The following SEMA4D variants were observed in gnomAD, a reference collection of about 807,000 sequenced individuals.
The protein encoded by SEMA4D is semaphorin 4D.
SEMA4D carries 22 observed loss-of-function variants against 74.8 expected under a neutral mutation model. The ratio of observed to expected loss-of-function variants is 0.29; its 90% CI spans 0.21 to 0.42. The LOEUF (loss-of-function observed/expected upper bound fraction) is 0.42. Among genes scored for constraint, SEMA4D ranks in the 10% least tolerant of loss-of-function variants. The pLI, the probability that SEMA4D is intolerant of heterozygous loss-of-function variation, is 1.00. For missense variants in SEMA4D, 937 were observed against 1,118.4 expected, an observed-to-expected ratio of 0.84 and a Z score of 2.31; for synonymous variants, 445 against 463.7, an observed-to-expected ratio of 0.96 and a Z score of 0.52.
In SEMA4D at chr9:89,399,349, A is replaced by T. The variant is rs1157922958; in HGVS notation, c.253-11T>A. 1.3e-6 allele frequency: 2 copies of T among 1,599,202 alleles called. No individual in the cohort carries two copies. Among genetic ancestry groups the T allele is most frequent in the Non-Finnish European group, 1.7e-6 (2 of 1,166,360 alleles). ...GACCTTCCAATACACCTGTTGGGAT[A>T]GAGTCCATATCAGTGCATATTCTTT... On this transcript the variant is annotated splice_polypyrimidine_tract_variant and intron_variant, in intron 4 of 15. Coordinates refer to ENST00000422704, the MANE Select transcript of SEMA4D (RefSeq NM_001371194.2).
In SEMA4D at chr9:89,405,897, G is replaced by C. The variant is rs558006916; in HGVS notation, c.-243-198C>G. Reference sequence around the variant, plus strand: ...AGGAAAGCGAAGCCAGGGTCTTCAGGAGTCAGTGCTTCCCGCTCCTCCAGC... The same window carrying C: ...AGGAAAGCGAAGCCAGGGTCTTCAGCAGTCAGTGCTTCCCGCTCCTCCAGC... On this transcript the variant is annotated intron_variant, in intron 2 of 15. Transcript: ENST00000422704. The C allele has an allele frequency of 1.2e-5, 14 of 1,214,246 alleles. No individual in the cohort carries two copies. In the Admixed American group the frequency reaches 2.1e-4, roughly 18 times the overall value. The allele number at this position is 1,214,246 out of a possible 1,614,324, so 75.2% of individuals were successfully genotyped here. A position where few individuals can be genotyped will look rare whatever the true frequency, so the allele number is the denominator to read the frequency against.
At chr9:89,467,704 G>T (rs28449785) in intron 1 of SEMA4D, among the ~76,000 whole-genome samples, 28,533 of 151,882 alleles carry the variant, frequency 0.19, 2,901 homozygotes, top group East Asian at 0.32. Flanking sequence ...GCTAATTTTT[G>T]TATTTTTAGT....
intron 1 of SEMA4D, among the ~76,000 whole-genome samples, chr9:89,465,338 C>T (rs1858406456): frequency 6.6e-6 from 1 of 152,028 alleles, no homozygotes; most frequent in Non-Finnish European, 1.5e-5. Context: ...GCTAACGGGT[C>T]ACTTAAAAAA....
At chr9:89,393,309 C>T (rs909504363) in intron 7 of SEMA4D, among the ~76,000 whole-genome samples, 5 of 152,196 alleles carry the variant, frequency 3.3e-5, no homozygotes, top group South Asian at 2.1e-4. Flanking sequence ...CTGCTCAGCA[C>T]GCGGGGATTA....
chr9:89,370,038 TGTGTGTGGTGC>T (rs201637427), intron 16 of SEMA4D, among the ~76,000 whole-genome samples: 3,524 of 151,842 alleles, frequency 0.023, 145 homozygotes, highest in East Asian at 0.16. Context: ...TATGCTGTGC[TGTGTGTGGTGC>T]ATGTGTGAGT....
At chr9:89,416,595 C>T (rs1375465111) in intron 2 of SEMA4D, among the ~76,000 whole-genome samples, 1 of 152,204 alleles carries the variant, frequency 6.6e-6, no homozygotes, top group Non-Finnish European at 1.5e-5. Flanking sequence ...CACTCCTACA[C>T]ACAGGGACAC....
intron 7 of SEMA4D, among the ~76,000 whole-genome samples, chr9:89,393,221 T>C (rs956407787): frequency 1.3e-5 from 2 of 152,232 alleles, no homozygotes; most frequent in South Asian, 2.1e-4. Flanking sequence ...CACCAGGCTA[T>C]GACCACTTGC....
chr9:89,390,795 G>A (rs1025683812), intron 9 of SEMA4D, among the ~76,000 whole-genome samples: 1 of 152,052 alleles, frequency 6.6e-6, no homozygotes, highest in Non-Finnish European at 1.5e-5. Context: ...ATTCTCTTGT[G>A]CTGAGCACTG....
chr9:89,371,948 GT>G (rs1835001375), intron 16 of SEMA4D, among the ~76,000 whole-genome samples: 1 of 119,354 alleles, frequency 8.4e-6, no homozygotes, highest in African/African-American at 3.3e-5. Flanking sequence ...TGTGGTGTGT[GT>G]GGGGTGTGGT....
chr9:89,371,991 GGT>G (rs1267851132), intron 16 of SEMA4D, among the ~76,000 whole-genome samples: 19 of 109,338 alleles, frequency 1.7e-4, no homozygotes, highest in East Asian at 2.8e-4. Context: ...TCTGGGGTGT[GGT>G]GTGTGTCTGG....
At chr9:89,444,531 C>T (rs1852386951) in intron 2 of SEMA4D, among the ~76,000 whole-genome samples, 1 of 152,134 alleles carries the variant, frequency 6.6e-6, no homozygotes. Flanking sequence ...CCCTAACAGA[C>T]CACAGAGCTG....
intron 1 of SEMA4D, among the ~76,000 whole-genome samples, chr9:89,477,348 C>T (rs1862031818): frequency 6.6e-6 from 1 of 152,112 alleles, no homozygotes; most frequent in African/African-American, 2.4e-5. Flanking sequence ...CCTACTAAAA[C>T]ACTGCCAATT....
In SEMA4D at chr9:89,466,714, AC is replaced by A. The variant is rs952635066; in HGVS notation, c.-309-10762del. Among the ~76,000 whole-genome samples the A allele has an allele frequency of 4.6e-5, 7 of 152,222 alleles. 1 individual carries two copies. Among genetic ancestry groups the A allele is most frequent in the Non-Finnish European group, 2.9e-5 (2 of 68,044 alleles). On this transcript the variant is annotated intron_variant, in intron 1 of 15. Transcript: ENST00000422704. The stretch of plus-strand genomic sequence containing the variant: ...TATTACCCAAACCCAGCACATGGAA[AC>A]ATGGTCTGCAGCCTACATGGACTGT...
At chr9:89,442,867 T>C (rs1851965176) in intron 2 of SEMA4D, among the ~76,000 whole-genome samples, 3 of 152,306 alleles carry the variant, frequency 2.0e-5, no homozygotes, top group Non-Finnish European at 4.4e-5. Context: ...GGACCCTGGT[T>C]CACGCATGTG....
rs1165704912 is a variant in SEMA4D at position 89,410,027 on chromosome 9, C to T, written c.-243-4328G>A. Reference sequence around the variant, plus strand: ...CTATTAATAGGTGAGCAGTAACCAACGGTGTGCTGGCAAGCTGTAACAACT... The same window carrying T: ...CTATTAATAGGTGAGCAGTAACCAATGGTGTGCTGGCAAGCTGTAACAACT... On this transcript the variant is annotated intron_variant, in intron 2 of 15. Transcript: ENST00000422704. 4.3e-5 allele frequency among the ~76,000 whole-genome samples: 5 copies of T among 117,060 alleles called. No individual in the cohort carries two copies. In the Admixed American group the frequency reaches 6.3e-4, roughly 15 times the overall value. The allele number at this position is 117,060 out of a possible 152,430, so 76.8% of individuals were successfully genotyped here.
chr9:89,476,442 T>C (rs1861764127), intron 1 of SEMA4D, among the ~76,000 whole-genome samples: 1 of 152,178 alleles, frequency 6.6e-6, no homozygotes, highest in South Asian at 2.1e-4. Flanking sequence ...GAGATCAACA[T>C]TTAAAGCAGA....
chr9:89,458,020 G>A (rs958229755), intron 1 of SEMA4D, among the ~76,000 whole-genome samples: 7 of 152,292 alleles, frequency 4.6e-5, no homozygotes, highest in Admixed American at 1.3e-4. Context: ...TCGATAGAGC[G>A]AGACTGGGTC....
At chr9:89,452,937 C>G (rs1345979745) in intron 2 of SEMA4D, among the ~76,000 whole-genome samples, 1 of 152,188 alleles carries the variant, frequency 6.6e-6, no homozygotes, top group Non-Finnish European at 1.5e-5. Context: ...GGGATGGGAT[C>G]TTGGGTGTTT....
At position 89,450,660 on chromosome 9, in the gene SEMA4D, GAAAAAAAA is replaced by G. The variant is rs71358578; in HGVS notation, c.-244+5220_-244+5227del. On this transcript the variant is annotated intron_variant, in intron 2 of 15. Coordinates refer to ENST00000422704, the MANE Select transcript of SEMA4D (RefSeq NM_001371194.2). ...GAGTTCTGCAAGTCGAAAAACCCAG[GAAAAAAAA>G]AAAAAAAAAAAAAAAAAAAGGCCTC... The G allele has an allele frequency of 6.9e-4, 296 of 430,350 alleles. 1 individual carries two copies. The highest frequency in any genetic ancestry group is 7.3e-4 in the Middle Eastern group (1 of 1,364). The allele number at this position is 430,350 out of a possible 1,614,324, so 26.7% of individuals were successfully genotyped here.
Sources: allele counts gnomAD v4.1 joint callset (sites outside exome capture counted in the v4.1 genomes callset), GRCh38; gene constraint gnomAD v4.1.1; transcripts MANE v1.5; gene names NCBI Gene and HGNC (gene_info 2026-07-23, HGNC 2026-07-21).